The following NKX1-2 variants were observed in gnomAD, a reference collection of about 807,000 sequenced individuals.
NKX1-2 encodes NK1 transcription factor-related protein 2.
Under a neutral mutation model 4.4 loss-of-function variants are expected in NKX1-2, and 1 was observed. The observed-to-expected ratio is 0.23, with a 90% confidence interval of 0.08 to 1.08. The LOEUF is 1.08. Among genes scored for constraint, NKX1-2 ranks in the 50% least tolerant of loss-of-function variants. The pLI is 0.55. For missense variants in NKX1-2, 503 were observed against 464.6 expected (o/e 1.08, Z -0.76); for synonymous variants, 235 against 228.0 (o/e 1.03, Z -0.28).
In NKX1-2 at chr10:124,449,610, T is replaced by C; in HGVS notation, c.214+120A>G. 1 of 794,860 alleles carries C rather than the reference T, an allele frequency of 1.3e-6. No homozygotes were observed. 49.2% of individuals were successfully genotyped at this position (794,860 alleles called of 1,614,324 possible). On this transcript the variant is annotated intron_variant, in intron 1 of 1. Transcript: ENST00000451024. This position sits in a 1 kb window ranked among gnomAD's most constrained non-coding sequence, Gnocchi z 7.5. ...GGGCTACACTTCGCACCCGGTCCCG[T>C]GCGCCTTCTCTCTGAGGAAGACGCT... is the stretch of plus-strand genomic sequence containing the variant.
In NKX1-2 at chr10:124,449,212, C is replaced by T. The variant is rs991878408; in HGVS notation, c.214+518G>A. 2.0e-5 allele frequency among the ~76,000 whole-genome samples: 3 copies of T among 152,236 alleles called. No homozygotes were observed. The East Asian group carries it at 5.8e-4, about 29-fold the overall frequency. The stretch of plus-strand genomic sequence containing the variant: ...CAGTTGAGTCTGGGGAGCTTGAGCG[C>T]CTGGGGCAGCCCAGCCCCGCAGGCG... On this transcript the variant is annotated intron_variant, in intron 1 of 1. Transcript: ENST00000451024. The surrounding 1 kb of genome is among the most constrained non-coding windows in gnomAD (Gnocchi z 7.5).
Position 124,447,615 on chromosome 10 carries a change from C to A in NKX1-2, c.747G>T (p.Ser249=). Residue 249 remains serine (S), a synonymous_variant, in exon 2 of 2, where the codon TCG becomes TCT. Transcript: ENST00000451024. ...TGCCGGGAGGGCCAGGACTGCCCCC[C>A]GAGCCGCCGCCGCCGCCGCCCCCCG... ...GAAGGGGGGG[S]GGSPGPPGTG... is the part of the protein sequence containing the mutation. 2 of 1,279,622 alleles carry A rather than the reference C, an allele frequency of 1.6e-6. No homozygotes were observed. The highest frequency in any genetic ancestry group is 2.0e-6 in the Non-Finnish European group (2 of 1,015,218). The allele number at this position is 1,279,622 out of a possible 1,614,324, so 79.3% of individuals were successfully genotyped here.
At position 124,449,746 on chromosome 10, in the gene NKX1-2, T is replaced by C; in HGVS notation, c.198A>G (p.Arg66=). 1 of 1,551,388 alleles carries C rather than the reference T, an allele frequency of 6.4e-7. No homozygotes were observed. Among genetic ancestry groups the C allele is most frequent in the Non-Finnish European group, 8.7e-7 (1 of 1,146,786 alleles). Reference sequence around the variant, plus strand: ...GCATCTTACCAGGGGTCTCCAGCTGTCGGACAGGGTCCCTGGAGCTGGCAT... The same window carrying C: ...GCATCTTACCAGGGGTCTCCAGCTGCCGGACAGGGTCCCTGGAGCTGGCAT... ...GKDASSRDPV[R]QLETPDAAGP... The change falls in exon 1 of 2, where the codon CGA becomes CGG. Residue 66 remains arginine, a synonymous_variant. Transcript: ENST00000451024. The surrounding 1 kb of genome is among the most constrained non-coding windows in gnomAD (Gnocchi z 7.5).
rs982418418 is a variant in NKX1-2, at chr10:124,447,640, G to A, written c.722C>T (p.Ala241Val). The change falls in exon 2 of 2, where the codon GCG becomes GTG. Residue 241 changes from alanine to valine, a missense_variant. Ala to Val is a moderately conservative substitution (Grantham distance 64). Coordinates refer to ENST00000451024, the MANE Select transcript of NKX1-2 (RefSeq NM_001146340.3). ...VGGGAPQPGA[A>V]GGGGGGGSGG... Reference sequence around the variant, plus strand: ...CGAGCCGCCGCCGCCGCCGCCCCCCGCCGCCCCTGGCTGGGGCGCGCCACC... The same window carrying A: ...CGAGCCGCCGCCGCCGCCGCCCCCCACCGCCCCTGGCTGGGGCGCGCCACC... The A allele has an allele frequency of 7.7e-7, 1 of 1,299,098 alleles. No homozygotes were observed. Among genetic ancestry groups the A allele is most frequent in the South Asian group, 3.0e-5 (1 of 33,792 alleles). 80.5% of individuals were successfully genotyped at this position (1,299,098 alleles called of 1,614,324 possible).
Position 124,447,632 on chromosome 10 carries a change from C to A in NKX1-2, c.730G>T (p.Gly244Cys). 2 of 1,281,558 alleles carry A rather than the reference C, an allele frequency of 1.6e-6. No homozygotes were observed. The highest frequency in any genetic ancestry group is 2.0e-6 in the Non-Finnish European group (2 of 1,015,114). The allele number at this position is 1,281,558 out of a possible 1,614,324, so 79.4% of individuals were successfully genotyped here. ...GAPQPGAAGG[G>C]GGGGSGGSPG... ...CTGCCCCCCGAGCCGCCGCCGCCGC[C>A]GCCCCCCGCCGCCCCTGGCTGGGGC... The change falls in exon 2 of 2, where the codon GGC (glycine) becomes TGC (cysteine). Residue 244 changes from glycine to cysteine, a missense_variant. Coordinates refer to ENST00000451024, the MANE Select transcript of NKX1-2 (RefSeq NM_001146340.3).
At position 124,450,025 on chromosome 10, in the gene NKX1-2, G is replaced by A. The variant is rs1004625562; in HGVS notation, c.-82C>T. 7.2e-6 allele frequency: 8 copies of A among 1,113,452 alleles called. No individual in the cohort carries two copies. Among genetic ancestry groups the A allele is most frequent in the East Asian group, 2.9e-5 (1 of 34,836 alleles). 69.0% of individuals were successfully genotyped at this position (1,113,452 alleles called of 1,614,324 possible). ...GGCTTGCCTTCGGCTGTGGCTTGGCGGTAGCTTTCCAGCCAGGAGCCGGGT... is the reference window on the plus strand; with the variant it reads ...GGCTTGCCTTCGGCTGTGGCTTGGCAGTAGCTTTCCAGCCAGGAGCCGGGT... On this transcript the variant is annotated 5_prime_UTR_variant, in exon 1 of 2. Transcript: ENST00000451024.
rs893937008 is a variant in NKX1-2, at chr10:124,446,486, T to C, written c.*943A>G. The C allele has an allele frequency of 6.6e-6, 1 of 152,244 alleles. No homozygotes were observed. The highest frequency in any genetic ancestry group is 2.4e-5 in the African/African-American group (1 of 41,468). 9.4% of individuals were successfully genotyped at this position (152,244 alleles called of 1,614,324 possible). On this transcript the variant is annotated 3_prime_UTR_variant, in exon 2 of 2. Transcript: ENST00000451024. Reference sequence around the variant, plus strand: ...AGCTCTTCCCCATCCTGGCTCACTATTGGGAGCCCAGGAATCCCTGGGACA... The same window carrying C: ...AGCTCTTCCCCATCCTGGCTCACTACTGGGAGCCCAGGAATCCCTGGGACA...
rs200986576 is a variant in NKX1-2 at position 124,449,904 on chromosome 10, A to G, written c.40T>C (p.Ser14Pro). Residue 14 changes from serine (S) to proline (P), a missense_variant, in exon 1 of 2, where the codon TCC (serine) becomes CCC (proline). Coordinates refer to ENST00000451024, the MANE Select transcript of NKX1-2 (RefSeq NM_001146340.3). The surrounding 1 kb of genome is among the most constrained non-coding windows in gnomAD (Gnocchi z 7.5). Reference sequence around the variant, plus strand: ...ACAGAGAAAGAAATCTTGTGGTGGGAGGGAGCCGCCTTGGCCCCGCCGTCC... The same window carrying G: ...ACAGAGAAAGAAATCTTGTGGTGGGGGGGAGCCGCCTTGGCCCCGCCGTCC... ...WQDGGAKAAP[S>P]HHKISFSVLD... 571 of 1,549,532 alleles carry G rather than the reference A, an allele frequency of 3.7e-4. 4 individuals carry two copies. In the African/African-American group the frequency reaches 7.3e-3, roughly 20 times the overall value.
Position 124,449,323 on chromosome 10 carries a change from G to A in NKX1-2, c.214+407C>T, listed in dbSNP as rs1205313187. The A allele has an allele frequency of 4.9e-5, 21 of 428,966 alleles. No individual in the cohort carries two copies. In the Admixed American group the frequency reaches 5.2e-4, roughly 11 times the overall value. 26.6% of individuals were successfully genotyped at this position (428,966 alleles called of 1,614,324 possible). A position where few individuals can be genotyped will look rare whatever the true frequency, so the allele number is the denominator to read the frequency against. On this transcript the variant is annotated intron_variant, in intron 1 of 1. Coordinates refer to ENST00000451024, the MANE Select transcript of NKX1-2 (RefSeq NM_001146340.3). This position sits in a 1 kb window ranked among gnomAD's most constrained non-coding sequence, Gnocchi z 7.5. ...GCTCCCCCATCCATAAAATGGAGGT[G>A]ATGTTAATGATGCTGTCCATCTCTC...
Position 124,449,259 on chromosome 10 carries a change from C to T in NKX1-2, c.214+471G>A, listed in dbSNP as rs1952274204. On this transcript the variant is annotated intron_variant, in intron 1 of 1. Coordinates refer to ENST00000451024, the MANE Select transcript of NKX1-2 (RefSeq NM_001146340.3). The surrounding 1 kb of genome is among the most constrained non-coding windows in gnomAD (Gnocchi z 7.5). ...GGCGTCTCCGGGTGGCACCTGACCT[C>T]GCTACTCACGAAGACCCCCGGCGCA... Among the ~76,000 whole-genome samples the T allele has an allele frequency of 1.3e-5, 2 of 152,214 alleles. No individual in the cohort carries two copies. Among genetic ancestry groups the T allele is most frequent in the East Asian group, 1.9e-4 (1 of 5,190 alleles).
chr10:124,447,898 C>CAG lies in NKX1-2; in HGVS notation c.463_464insCT (p.Arg155ProfsTer41), dbSNP rs1381064439. On this transcript the variant is annotated frameshift_variant, in exon 2 of 2. Coordinates refer to ENST00000451024, the MANE Select transcript of NKX1-2 (RefSeq NM_001146340.3). LOFTEE classifies it low-confidence loss of function (END_TRUNC). ...CGGCTTGGCGCAGTTGGGCTCCAGG[C>CAG]GCCGGCGCCTGGGACGCGGGGAGCC... The CAG allele has an allele frequency of 3.7e-5, 53 of 1,415,556 alleles. No individual in the cohort carries two copies. The highest frequency in any genetic ancestry group is 4.8e-5 in the Non-Finnish European group (52 of 1,079,912). 87.7% of individuals were successfully genotyped at this position (1,415,556 alleles called of 1,614,324 possible). A position where few individuals can be genotyped will look rare whatever the true frequency, so the allele number is the denominator to read the frequency against.
chr10:124,449,884 G>T lies in NKX1-2; in HGVS notation c.60C>A (p.Phe20Leu), dbSNP rs1203326818. The change falls in exon 1 of 2, where the codon TTC (phenylalanine) becomes TTA (leucine). Residue 20 changes from phenylalanine to leucine, a missense_variant. By Grantham distance (22) the Phe-to-Leu change is conservative. Coordinates refer to ENST00000451024, the MANE Select transcript of NKX1-2 (RefSeq NM_001146340.3). The surrounding 1 kb of genome is among the most constrained non-coding windows in gnomAD (Gnocchi z 7.5). The stretch of plus-strand genomic sequence containing the variant: ...GTGGGTCCAGGATGTCCAGGACAGA[G>T]AAAGAAATCTTGTGGTGGGAGGGAG... Reference protein sequence around the residue: ...KAAPSHHKISFSVLDILDPQK... With the variant: ...KAAPSHHKISLSVLDILDPQK... The T allele has an allele frequency of 3.2e-6, 5 of 1,550,900 alleles. No homozygotes were observed. The highest frequency in any genetic ancestry group is 4.4e-6 in the Non-Finnish European group (5 of 1,146,454).
At position 124,448,498 on chromosome 10, in the gene NKX1-2, T is replaced by C. The variant is rs1489689159; in HGVS notation, c.215-351A>G. 2.1e-5 allele frequency: 4 copies of C among 188,516 alleles called. No individual in the cohort carries two copies. Among genetic ancestry groups the C allele is most frequent in the Non-Finnish European group, 3.2e-5 (3 of 92,864 alleles). 11.7% of individuals were successfully genotyped at this position (188,516 alleles called of 1,614,324 possible). On this transcript the variant is annotated intron_variant, in intron 1 of 1. Coordinates refer to ENST00000451024, the MANE Select transcript of NKX1-2 (RefSeq NM_001146340.3). This position sits in a 1 kb window ranked among gnomAD's most constrained non-coding sequence, Gnocchi z 4.1. Reference sequence around the variant, plus strand: ...GTCAAACGCTTTTAGGGCTGTGCCTTCCCCAGACCCTAGAAGCCTATTTTG... The same window carrying C: ...GTCAAACGCTTTTAGGGCTGTGCCTCCCCCAGACCCTAGAAGCCTATTTTG...
Position 124,448,366 on chromosome 10 carries a change from A to G in NKX1-2, c.215-219T>C. On this transcript the variant is annotated intron_variant, in intron 1 of 1. Coordinates refer to ENST00000451024, the MANE Select transcript of NKX1-2 (RefSeq NM_001146340.3). The surrounding 1 kb of genome is among the most constrained non-coding windows in gnomAD (Gnocchi z 4.1). ...AAATCTGCCATCAAGTAGGCGTCCA[A>G]GAAATGTACGCCAAATGAATGAATG... The G allele has an allele frequency of 1.7e-6, 1 of 590,952 alleles. No individual in the cohort carries two copies. Among genetic ancestry groups the G allele is most frequent in the South Asian group, 7.5e-5 (1 of 13,258 alleles). The allele number at this position is 590,952 out of a possible 1,614,324, so 36.6% of individuals were successfully genotyped here. A position where few individuals can be genotyped will look rare whatever the true frequency, so the allele number is the denominator to read the frequency against.
chr10:124,449,675 A>G lies in NKX1-2; in HGVS notation c.214+55T>C. The G allele has an allele frequency of 7.6e-7, 1 of 1,312,600 alleles. No individual in the cohort carries two copies. 81.3% of individuals were successfully genotyped at this position (1,312,600 alleles called of 1,614,324 possible). The stretch of plus-strand genomic sequence containing the variant: ...ACCGGGCCCGGCTGTTCCCCCATAC[A>G]CTCCGCATTGTTGGGGCTGAGGCCT... On this transcript the variant is annotated intron_variant, in intron 1 of 1. Coordinates refer to ENST00000451024, the MANE Select transcript of NKX1-2 (RefSeq NM_001146340.3). This position sits in a 1 kb window ranked among gnomAD's most constrained non-coding sequence, Gnocchi z 7.5.
rs1952244329 is a variant in NKX1-2 at position 124,447,053 on chromosome 10, T to G, written c.*376A>C. The G allele has an allele frequency of 5.9e-6, 1 of 168,688 alleles. No homozygotes were observed. The highest frequency in any genetic ancestry group is 1.3e-5 in the Non-Finnish European group (1 of 79,218). The allele number at this position is 168,688 out of a possible 1,614,324, so 10.4% of individuals were successfully genotyped here. A position where few individuals can be genotyped will look rare whatever the true frequency, so the allele number is the denominator to read the frequency against. The stretch of plus-strand genomic sequence containing the variant: ...TCACCCTCTGATGAGCCAGCACCTT[T>G]AAAGGTTCCATCCTAGCCGCCAGCA... On this transcript the variant is annotated 3_prime_UTR_variant, in exon 2 of 2. Transcript: ENST00000451024.
rs749692096 is a variant in NKX1-2, at chr10:124,447,528, G to A, written c.834C>T (p.Ser278=). The change falls in exon 2 of 2, where the codon TCC becomes TCT. Residue 278 remains serine (S), a synonymous_variant. Coordinates refer to ENST00000451024, the MANE Select transcript of NKX1-2 (RefSeq NM_001146340.3). ...SYSAANVLFP[S]AASFPLTAAA... Reference sequence around the variant, plus strand: ...CAGCCGTCAGCGGGAAGGAGGCGGCGGACGGGAAGAGGACATTGGCCGCGG... The same window carrying A: ...CAGCCGTCAGCGGGAAGGAGGCGGCAGACGGGAAGAGGACATTGGCCGCGG... 1.6e-6 allele frequency: 2 copies of A among 1,273,998 alleles called. No homozygotes were observed. The highest frequency in any genetic ancestry group is 3.1e-5 in the African/African-American group (2 of 64,754). The allele number at this position is 1,273,998 out of a possible 1,614,324, so 78.9% of individuals were successfully genotyped here.
In NKX1-2 at chr10:124,447,892, TCCAGGCGCCGGCG is replaced by T. The variant is rs1952259056; in HGVS notation, c.457_469del (p.Arg153SerfsTer38). On this transcript the variant is annotated frameshift_variant, in exon 2 of 2. Coordinates refer to ENST00000451024, the MANE Select transcript of NKX1-2 (RefSeq NM_001146340.3). LOFTEE classifies it low-confidence loss of function (END_TRUNC). The stretch of plus-strand genomic sequence containing the variant: ...GCGCCGCGGCTTGGCGCAGTTGGGC[TCCAGGCGCCGGCG>T]CCTGGGACGCGGGGAGCCGGGGGAT... 7.0e-7 allele frequency: 1 copy of T among 1,421,616 alleles called. No individual in the cohort carries two copies. The highest frequency in any genetic ancestry group is 3.1e-5 in the East Asian group (1 of 32,164). The allele number at this position is 1,421,616 out of a possible 1,614,324, so 88.1% of individuals were successfully genotyped here. A position where few individuals can be genotyped will look rare whatever the true frequency, so the allele number is the denominator to read the frequency against.
rs1564752845 is a variant in NKX1-2, at chr10:124,446,135, A to C, written c.*1294T>G. On this transcript the variant is annotated 3_prime_UTR_variant, in exon 2 of 2. Coordinates refer to ENST00000451024, the MANE Select transcript of NKX1-2 (RefSeq NM_001146340.3). The stretch of plus-strand genomic sequence containing the variant: ...ACAAGATTATATTAGGTAGAAAACT[A>C]AAGGAAATGTATTCCAAGCAAAAGT... 2 of 152,196 alleles carry C rather than the reference A, an allele frequency of 1.3e-5. No homozygotes were observed. Among genetic ancestry groups the C allele is most frequent in the South Asian group, 4.1e-4 (2 of 4,828 alleles). 9.4% of individuals were successfully genotyped at this position (152,196 alleles called of 1,614,324 possible). A position where few individuals can be genotyped will look rare whatever the true frequency, so the allele number is the denominator to read the frequency against.
Sources: allele counts gnomAD v4.1 joint callset (sites outside exome capture counted in the v4.1 genomes callset), GRCh38; gene constraint gnomAD v4.1.1; non-coding constraint Gnocchi (gnomAD v3.1); transcripts MANE v1.5; gene names NCBI Gene and HGNC (gene_info 2026-07-23, HGNC 2026-07-21).